Variants in ATP8B1 observed in about 807,000 individuals in gnomAD.
The protein encoded by ATP8B1 is phospholipid-transporting ATPase IC.
A neutral mutation model predicts 149.9 loss-of-function variants in ATP8B1; 80 were observed. The observed-to-expected ratio is 0.53, with a 90% confidence interval of 0.45 to 0.64. The LOEUF is 0.64. Among genes scored for constraint, ATP8B1 ranks in the 30% least tolerant of loss-of-function variants. ATP8B1 has a pLI of 0.00. For missense variants in ATP8B1, 1,247 were observed against 1,552.6 expected (o/e 0.80, Z 3.31); for synonymous variants, 536 against 562.8 (o/e 0.95, Z 0.67).
intron 1 of ATP8B1, among the ~76,000 whole-genome samples, chr18:57,760,500 G>T (rs1048886420): frequency 6.6e-6 from 1 of 152,092 alleles, no homozygotes; most frequent in Non-Finnish European, 1.5e-5. Flanking sequence ...AACTGAACAT[G>T]GTTTGTTTTA....
At chr18:57,706,948 G>A (rs116082154) in intron 2 of ATP8B1, among the ~76,000 whole-genome samples, 1,657 of 152,286 alleles carry the variant, frequency 0.011, 39 homozygotes, top group African/African-American at 0.037. Context: ...TTGATGCCTC[G>A]AGGAAGGCAT....
intron 1 of ATP8B1, among the ~76,000 whole-genome samples, chr18:57,749,023 G>C (rs1256963037): frequency 3.3e-5 from 5 of 152,066 alleles, no homozygotes; most frequent in Admixed American, 2.6e-4. Flanking sequence ...TCTTCAAAAT[G>C]TTTTGGAGTT....
In ATP8B1 at chr18:57,784,217, T is replaced by G. The variant is rs76980941; in HGVS notation, c.-26+18781A>C. On this transcript the variant is annotated intron_variant, in intron 1 of 27. Transcript: ENST00000648908. This position sits in a 1 kb window ranked among gnomAD's most constrained non-coding sequence, Gnocchi z 4.4. ...ACTGAAGGAGAAAAAGAATGGAATT[T>G]GCAGGGGGAAGCCGGGGTCAGGGCG... Among the ~76,000 whole-genome samples the G allele has an allele frequency of 7.9e-3, 1,197 of 152,254 alleles. 16 individuals are homozygous for G. The highest frequency in any genetic ancestry group is 0.028 in the African/African-American group (1,151 of 41,562).
chr18:57,674,517 TG>T (rs1460115494), intron 16 of ATP8B1, among the ~76,000 whole-genome samples: 1 of 151,230 alleles, frequency 6.6e-6, no homozygotes, highest in Non-Finnish European at 1.5e-5. Context: ...CCCGAGTGGC[TG>T]GGACTACAGG....
At chr18:57,763,288 A>G (rs1400998957) in intron 1 of ATP8B1, among the ~76,000 whole-genome samples, 1 of 152,054 alleles carries the variant, frequency 6.6e-6, no homozygotes, top group Non-Finnish European at 1.5e-5. Context: ...GCTACTAGGG[A>G]GGCTAAGGCA....
At chr18:57,695,557 T>G in intron 8 of ATP8B1, 25 bp from the exon 9 acceptor site, 1 of 1,568,034 alleles carries the variant, frequency 6.4e-7, no homozygotes, top group South Asian at 1.1e-5. Flanking sequence ...AAAAAATGAA[T>G]TAAATGAACA....
chr18:57,701,438 T>G, intron 4 of ATP8B1, 125 bp from the exon 5 acceptor site: 1 of 849,718 alleles, frequency 1.2e-6, no homozygotes, highest in East Asian at 2.6e-5. Flanking sequence ...GTCTACATCC[T>G]GCAGAGTATA....
chr18:57,685,886 G>A (rs1400214957), intron 13 of ATP8B1, among the ~76,000 whole-genome samples: 2 of 151,730 alleles, frequency 1.3e-5, no homozygotes, highest in Non-Finnish European at 2.9e-5. Context: ...AGCCAAGATC[G>A]TGCCACTGCA....
At chr18:57,672,229 G>A (rs1911251568) in intron 16 of ATP8B1, among the ~76,000 whole-genome samples, 1 of 152,156 alleles carries the variant, frequency 6.6e-6, no homozygotes, top group South Asian at 2.1e-4. Flanking sequence ...CCAACAGGTA[G>A]TTTCTCACCT....
At chr18:57,710,555 A>T (rs1913638393) in intron 2 of ATP8B1, among the ~76,000 whole-genome samples, 1 of 152,154 alleles carries the variant, frequency 6.6e-6, no homozygotes, top group African/African-American at 2.4e-5. Flanking sequence ...AACAAGGAAA[A>T]CAAGTAGATA....
chr18:57,794,806 AAGAAAG>A (rs967990131), intron 1 of ATP8B1, among the ~76,000 whole-genome samples: 16 of 151,426 alleles, frequency 1.1e-4, no homozygotes, highest in Admixed American at 2.6e-4. Context: ...GAAAGAAAGA[AAGAAAG>A]AAAGAAAGAA....
intron 1 of ATP8B1, among the ~76,000 whole-genome samples, chr18:57,798,278 A>G (rs2080537493): frequency 6.6e-6 from 1 of 152,074 alleles, no homozygotes; most frequent in Non-Finnish European, 1.5e-5. Flanking sequence ...AAACAAACAA[A>G]AAAACCAGGA....
At chr18:57,699,111 G>A (rs917221644) in intron 6 of ATP8B1, among the ~76,000 whole-genome samples, 2 of 152,188 alleles carry the variant, frequency 1.3e-5, no homozygotes, top group Non-Finnish European at 2.9e-5. Context: ...AGGCAGAACT[G>A]CAAATTCAAG....
At chr18:57,794,862 A>C (rs1356212078) in intron 1 of ATP8B1, among the ~76,000 whole-genome samples, 1 of 152,028 alleles carries the variant, frequency 6.6e-6, no homozygotes, top group East Asian at 1.9e-4. Flanking sequence ...GAGCAGCTGC[A>C]GGTGAAAAGG....
chr18:57,724,045 A>G (rs2079678764), intron 2 of ATP8B1, among the ~76,000 whole-genome samples: 1 of 152,024 alleles, frequency 6.6e-6, no homozygotes, highest in Non-Finnish European at 1.5e-5. Context: ...CTGGCTAGCC[A>G]TATGTAGGAA....
intron 1 of ATP8B1, among the ~76,000 whole-genome samples, chr18:57,754,449 T>C (rs201304734): frequency 6.8e-6 from 1 of 147,744 alleles, no homozygotes; most frequent in Non-Finnish European, 1.5e-5. Context: ...CAAAAAAATA[T>C]ATATATATAT....
intron 2 of ATP8B1, 95 bp downstream of exon 2, chr18:57,731,532 A>T (rs1230032713): frequency 2.9e-5 from 40 of 1,401,112 alleles, no homozygotes; most frequent in Non-Finnish European, 3.7e-5. Flanking sequence ...TCTCTCCTAG[A>T]CCACGCAAAA....
At chr18:57,663,672 A>G (rs530016528) in intron 20 of ATP8B1, among the ~76,000 whole-genome samples, 2 of 151,482 alleles carry the variant, frequency 1.3e-5, no homozygotes, top group South Asian at 4.2e-4. Context: ...TCTTCCCCTA[A>G]TGATTAGTGA....
chr18:57,685,203 G>C, intron 13 of ATP8B1, 88 bp from the exon 14 acceptor site: 1 of 1,448,832 alleles, frequency 6.9e-7, no homozygotes, highest in Non-Finnish European at 9.7e-7. Flanking sequence ...TAGTGATGGT[G>C]GTAAGACCAT....
Sources: gnomAD v4.1 joint callset for allele counts (sites outside exome capture counted in the v4.1 genomes callset) on GRCh38, gnomAD v4.1.1 for gene constraint, Gnocchi (gnomAD v3.1) non-coding constraint, MANE v1.5 for transcripts, NCBI Gene and HGNC (gene_info 2026-07-23, HGNC 2026-07-21) for gene names.